AIG1: variants seen among roughly 807,000 people sequenced by gnomAD.
The protein encoded by AIG1 is androgen-induced gene 1 protein.
Under a neutral mutation model 31.4 loss-of-function variants are expected in AIG1, and 23 were observed. That is an observed-to-expected ratio of 0.73 (90% confidence interval 0.53 to 1.04). The LOEUF (loss-of-function observed/expected upper bound fraction) is 1.04. AIG1 is among the 50% of genes least tolerant of loss of function. The pLI is 0.00. For synonymous variants in AIG1, 100 were observed against 110.5 expected, an observed-to-expected ratio of 0.90 and a Z score of 0.60; for missense variants, 274 against 295.0, an observed-to-expected ratio of 0.93 and a Z score of 0.52.
At chr6:143,111,279 G>C (rs1781253982) in intron 1 of AIG1, among the ~76,000 whole-genome samples, 1 of 152,162 alleles carries the variant, frequency 6.6e-6, no homozygotes, top group Non-Finnish European at 1.5e-5. Context: ...CATCAAAACT[G>C]TTTTCATCCT....
intron 1 of AIG1, among the ~76,000 whole-genome samples, chr6:143,135,002 C>T (rs994098397): frequency 6.6e-6 from 1 of 152,108 alleles, no homozygotes; most frequent in Non-Finnish European, 1.5e-5. Context: ...GACGTAGCTG[C>T]ATCATAAGTT....
chr6:143,139,547 T>C (rs1784079466), intron 2 of AIG1, among the ~76,000 whole-genome samples: 1 of 152,204 alleles, frequency 6.6e-6, no homozygotes, highest in Non-Finnish European at 1.5e-5. Context: ...TGATATTTTG[T>C]AGTCACTATT....
rs964808676 is a variant in AIG1 at position 143,330,245 on chromosome 6, T to C, written c.516-3037T>C. Among the ~76,000 whole-genome samples, 8 of 151,938 alleles carry C rather than the reference T, an allele frequency of 5.3e-5. No individual in the cohort carries two copies. Among genetic ancestry groups the C allele is most frequent in the African/African-American group, 1.7e-4 (7 of 41,356 alleles). ...CAATAAACAGACAAATAAAAATAAGTAGAGTATATTATTTGGCTGGGAGAA... is the reference window on the plus strand; with the variant it reads ...CAATAAACAGACAAATAAAAATAAGCAGAGTATATTATTTGGCTGGGAGAA... On this transcript the variant is annotated intron_variant, in intron 4 of 5. Transcript: ENST00000357847. The surrounding 1 kb of genome is among the most constrained non-coding windows in gnomAD (Gnocchi z 4.4).
At chr6:143,195,574 A>T (rs1467859307) in intron 3 of AIG1, among the ~76,000 whole-genome samples, 2 of 152,170 alleles carry the variant, frequency 1.3e-5, no homozygotes, top group Admixed American at 1.3e-4. Flanking sequence ...GGCTGGATTT[A>T]GGAAGGAATA....
chr6:143,207,805 G>A (rs750561667), intron 3 of AIG1, among the ~76,000 whole-genome samples: 11 of 151,398 alleles, frequency 7.3e-5, no homozygotes, highest in East Asian at 1.9e-4. Flanking sequence ...TAAATTGTTG[G>A]GTTTTTTTCA....
intron 3 of AIG1, among the ~76,000 whole-genome samples, chr6:143,208,559 A>G (rs2128613002): frequency 6.6e-6 from 1 of 152,298 alleles, no homozygotes; most frequent in Non-Finnish European, 1.5e-5. Flanking sequence ...CATTTTAAGG[A>G]ATGGAAGGCT....
In AIG1 at chr6:143,329,901, C is replaced by G. The variant is rs147015699; in HGVS notation, c.516-3381C>G. Among the ~76,000 whole-genome samples, 1 of 151,988 alleles carries G rather than the reference C, an allele frequency of 6.6e-6. No homozygotes were observed. Among genetic ancestry groups the G allele is most frequent in the African/African-American group, 2.4e-5 (1 of 41,372 alleles). ...AATGGCGGAGTTGAGTAGGTGTGAT[C>G]GAGACCATATGGGAATATTTACTAT... On this transcript the variant is annotated intron_variant, in intron 4 of 5. Coordinates refer to ENST00000357847, the MANE Select transcript of AIG1 (RefSeq NM_016108.4). The surrounding 1 kb of genome is among the most constrained non-coding windows in gnomAD (Gnocchi z 4.9).
chr6:143,270,812 T>A (rs188000162), intron 3 of AIG1, among the ~76,000 whole-genome samples: 23 of 152,334 alleles, frequency 1.5e-4, no homozygotes, highest in African/African-American at 5.1e-4. Flanking sequence ...TGCACATTTG[T>A]GTGTGTGCAC....
At chr6:143,262,864 A>G (rs1795894555) in intron 3 of AIG1, among the ~76,000 whole-genome samples, 1 of 152,168 alleles carries the variant, frequency 6.6e-6, no homozygotes, top group African/African-American at 2.4e-5. Flanking sequence ...CAGTTTTTCA[A>G]AAGTTCTCAA....
chr6:143,062,677 G>A (rs762760144), intron 1 of AIG1, among the ~76,000 whole-genome samples: 3 of 152,212 alleles, frequency 2.0e-5, no homozygotes, highest in Non-Finnish European at 4.4e-5. Flanking sequence ...TGATGCATAT[G>A]TATATGAAGC....
Position 143,268,486 on chromosome 6 carries a change from A to G in AIG1, c.400-15624A>G, listed in dbSNP as rs900993317. Among the ~76,000 whole-genome samples the G allele has an allele frequency of 7.9e-5, 12 of 152,338 alleles. 1 individual carries two copies. The South Asian group carries it at 2.1e-3, about 26-fold the overall frequency. On this transcript the variant is annotated intron_variant, in intron 3 of 5. Coordinates refer to ENST00000357847, the MANE Select transcript of AIG1 (RefSeq NM_016108.4). The surrounding 1 kb of genome is among the most constrained non-coding windows in gnomAD (Gnocchi z 5.0). ...CCTGGCTAGTAAGAAAGCCAGTTAT[A>G]TGTCAAGGAGGCTTATTAGCTGTGC...
chr6:143,171,211 T>C (rs1787481889), intron 3 of AIG1, among the ~76,000 whole-genome samples: 1 of 150,908 alleles, frequency 6.6e-6, no homozygotes. Context: ...TTCCCTTGAG[T>C]CCCCAAAGTC....
At chr6:143,219,978 C>T (rs1368123463) in intron 3 of AIG1, among the ~76,000 whole-genome samples, 2 of 152,146 alleles carry the variant, frequency 1.3e-5, no homozygotes, top group Non-Finnish European at 2.9e-5. Context: ...CAGATGCTTC[C>T]TTTGTCCTGT....
At chr6:143,214,795 T>C (rs1364951273) in intron 3 of AIG1, among the ~76,000 whole-genome samples, 3 of 152,124 alleles carry the variant, frequency 2.0e-5, no homozygotes, top group African/African-American at 7.2e-5. Context: ...TCCATGCCTG[T>C]TCTCTCCCTT....
chr6:143,071,466 G>A (rs1389618096), intron 1 of AIG1, among the ~76,000 whole-genome samples: 3 of 152,272 alleles, frequency 2.0e-5, no homozygotes, highest in East Asian at 3.9e-4. Context: ...GAAAAATGCT[G>A]TATTCTGTGA....
intron 1 of AIG1, among the ~76,000 whole-genome samples, chr6:143,108,804 A>G (rs935436405): frequency 6.6e-6 from 1 of 152,194 alleles, no homozygotes; most frequent in African/African-American, 2.4e-5. Flanking sequence ...TGAATTGACT[A>G]CAGCTTACAG....
chr6:143,198,702 G>A (rs1332978954), intron 3 of AIG1, among the ~76,000 whole-genome samples: 4 of 152,094 alleles, frequency 2.6e-5, no homozygotes, highest in African/African-American at 4.8e-5. Context: ...ACCACACCAC[G>A]TCTGCATTTA....
chr6:143,222,566 G>C (rs1175964970), intron 3 of AIG1, among the ~76,000 whole-genome samples: 1 of 152,144 alleles, frequency 6.6e-6, no homozygotes, highest in African/African-American at 2.4e-5. Context: ...CTGGGCCTTA[G>C]TTTTCGCAGT....
chr6:143,077,993 T>G (rs958767658), intron 1 of AIG1, among the ~76,000 whole-genome samples: 2 of 152,212 alleles, frequency 1.3e-5, no homozygotes. Context: ...ACTCCATTGA[T>G]ATGCATGTCA....
Sources: gnomAD v4.1 joint callset for allele counts (sites outside exome capture counted in the v4.1 genomes callset) on GRCh38, gnomAD v4.1.1 for gene constraint, Gnocchi (gnomAD v3.1) non-coding constraint, MANE v1.5 for transcripts, NCBI Gene and HGNC (gene_info 2026-07-23, HGNC 2026-07-21) for gene names.